ADGRF4: variants seen among roughly 807,000 people sequenced by gnomAD.
The protein encoded by ADGRF4 is adhesion G protein-coupled receptor F4, also known as G-protein coupled receptor PGR18.
Under a neutral mutation model 58.5 loss-of-function variants are expected in ADGRF4, and 63 were observed. The ratio of observed to expected loss-of-function variants is 1.08; its 90% CI spans 0.88 to 1.33. The LOEUF (loss-of-function observed/expected upper bound fraction) is 1.33. ADGRF4 is among the 40% of genes most tolerant of loss of function. The pLI, the probability that ADGRF4 is intolerant of heterozygous loss-of-function variation, is 0.00. For synonymous variants in ADGRF4, 313 were observed against 295.4 expected, an observed-to-expected ratio of 1.06 and a Z score of -0.61; for missense variants, 931 against 843.9, an observed-to-expected ratio of 1.10 and a Z score of -1.28.
At chr6:47,701,250 G>A (rs923091952) in intron 1 of ADGRF4, among the ~76,000 whole-genome samples, 2 of 152,088 alleles carry the variant, frequency 1.3e-5, no homozygotes, top group African/African-American at 4.8e-5. Context: ...CATTCAGCAG[G>A]CTTGAATTGC....
Position 47,714,189 on chromosome 6 carries a change from A to T in ADGRF4, c.944A>T (p.Gln315Leu). 3 of 1,614,094 alleles carry T rather than the reference A, an allele frequency of 1.9e-6. No individual in the cohort carries two copies. The highest frequency in any genetic ancestry group is 1.1e-5 in the South Asian group (1 of 91,044). Residue 315 changes from glutamine to leucine, a missense_variant, in exon 6 of 10, where the codon CAG (glutamine) becomes CTG (leucine). By Grantham distance (113) the Gln-to-Leu change is moderately radical (BLOSUM62 -2). Transcript: ENST00000283303. ...TTGCAAAATGTGAGTCTTCCCAGACAGGTAAATGGTCTGGTGCTATCAGTG... is the reference window on the plus strand; with the variant it reads ...TTGCAAAATGTGAGTCTTCCCAGACTGGTAAATGGTCTGGTGCTATCAGTG... ...AHLQNVSLPR[Q>L]VNGLVLSVVL...
In ADGRF4 at chr6:47,714,080, G is replaced by T; in HGVS notation, c.835G>T (p.Glu279Ter). Residue 279 changes from glutamate (E) to a stop codon, truncating the protein, a stop_gained, in exon 6 of 10, where the codon GAG (glutamate) becomes TAG (stop). Transcript: ENST00000283303. LOFTEE classifies it high-confidence loss of function. ...AGGAATGGTACAGATTCCCAGGCAAGAGCTAAGGAAGCTGTGGCCAAATGC... is the reference window on the plus strand; with the variant it reads ...AGGAATGGTACAGATTCCCAGGCAATAGCTAAGGAAGCTGTGGCCAAATGC... The part of the protein sequence containing the change: ...ILGMVQIPRQ[E>*]LRKLWPNASQ... 1 of 1,614,006 alleles carries T rather than the reference G, an allele frequency of 6.2e-7. No individual in the cohort carries two copies. Among genetic ancestry groups the T allele is most frequent in the Non-Finnish European group, 8.5e-7 (1 of 1,180,002 alleles).
chr6:47,710,351 A>G (rs1012095001), intron 3 of ADGRF4, among the ~76,000 whole-genome samples: 2 of 152,112 alleles, frequency 1.3e-5, no homozygotes, highest in Admixed American at 1.3e-4. Flanking sequence ...CTCCTGCTCT[A>G]TCTTATCATC....
chr6:47,704,894 T>C (rs192508386), intron 1 of ADGRF4, among the ~76,000 whole-genome samples: 45 of 152,210 alleles, frequency 3.0e-4, no homozygotes, highest in Non-Finnish European at 5.1e-4. Flanking sequence ...TGAGTCATAA[T>C]ATAAGATCTG....
chr6:47,720,402 G>A (rs929351097), intron 9 of ADGRF4, among the ~76,000 whole-genome samples: 1 of 152,150 alleles, frequency 6.6e-6, no homozygotes, highest in Non-Finnish European at 1.5e-5. Flanking sequence ...GAAATGGGTC[G>A]AGAGGTCAGA....
Position 47,714,271 on chromosome 6 carries a change from C to A in ADGRF4, c.1026C>A (p.Thr342=). Residue 342 remains threonine, a synonymous_variant, in exon 6 of 10, where the codon ACC becomes ACA. Transcript: ENST00000283303. ...TCACCTTCGAAAAGATCAATAAAAC[C>A]CGCAATGCCAGAGCCCAGTGTGTTG... ...IILTFEKINK[T]RNARAQCVGW... is the part of the protein sequence containing the mutation. 1 of 1,614,134 alleles carries A rather than the reference C, an allele frequency of 6.2e-7. No individual in the cohort carries two copies. Among genetic ancestry groups the A allele is most frequent in the African/African-American group, 1.3e-5 (1 of 75,028 alleles).
intron 6 of ADGRF4, among the ~76,000 whole-genome samples, chr6:47,716,568 A>G (rs1286768682): frequency 4.6e-5 from 7 of 152,218 alleles, no homozygotes; most frequent in African/African-American, 1.7e-4. Context: ...ATCTACAGCC[A>G]TTCAATAAAT....
chr6:47,718,850 G>C (rs1772094147), intron 9 of ADGRF4, among the ~76,000 whole-genome samples: 1 of 152,156 alleles, frequency 6.6e-6, no homozygotes, highest in Non-Finnish European at 1.5e-5. Flanking sequence ...GGTATGGGTG[G>C]GGTTGCGGCA....
intron 4 of ADGRF4, among the ~76,000 whole-genome samples, chr6:47,711,385 C>T (rs1771864844): frequency 6.6e-6 from 1 of 152,144 alleles, no homozygotes; most frequent in African/African-American, 2.4e-5. Flanking sequence ...GCCTCAGCCT[C>T]CCGAGGAGCT....
Position 47,704,368 on chromosome 6 carries a change from G to A in ADGRF4, c.-16-2862G>A, listed in dbSNP as rs569430520. On this transcript the variant is annotated intron_variant, in intron 1 of 9. Coordinates refer to ENST00000283303, the MANE Select transcript of ADGRF4 (RefSeq NM_153838.5). The stretch of plus-strand genomic sequence containing the variant: ...CTTTACAAATGCCTCCCTTCGTCTC[G>A]CCTTCACCCATTTTAGTGCACATTT... 8.5e-5 allele frequency among the ~76,000 whole-genome samples: 13 copies of A among 152,120 alleles called. No individual in the cohort carries two copies. The East Asian group carries it at 1.2e-3, about 14-fold the overall frequency.
chr6:47,718,452 A>G lies in ADGRF4; in HGVS notation c.*3+7A>G. The G allele has an allele frequency of 6.6e-7, 1 of 1,515,188 alleles. No homozygotes were observed. The highest frequency in any genetic ancestry group is 9.2e-7 in the Non-Finnish European group (1 of 1,089,964). The allele number at this position is 1,515,188 out of a possible 1,614,324, so 93.9% of individuals were successfully genotyped here. On this transcript the variant is annotated splice_region_variant and intron_variant, in intron 9 of 9. Transcript: ENST00000283303. The stretch of plus-strand genomic sequence containing the variant: ...GAATCGTCAAGGATGAAATGTGAGT[A>G]TTAAAAATATAAAGAGAAATTTCAC...
At chr6:47,705,277 T>A (rs191773558) in intron 1 of ADGRF4, among the ~76,000 whole-genome samples, 4 of 152,372 alleles carry the variant, frequency 2.6e-5, no homozygotes, top group Admixed American at 1.3e-4. Flanking sequence ...ATATGGATAC[T>A]TTTAAAACAA....
chr6:47,716,473 T>A lies in ADGRF4; in HGVS notation c.1933-333T>A, dbSNP rs114374551. The stretch of plus-strand genomic sequence containing the variant: ...TTTTGAATTACAAGTTTCTGTCACA[T>A]GTTTCTGTCATCACGAGTAGAAACA... On this transcript the variant is annotated intron_variant, in intron 6 of 9. Transcript: ENST00000283303. Among the ~76,000 whole-genome samples the A allele has an allele frequency of 4.3e-3, 655 of 152,354 alleles. 3 individuals are homozygous for A. The highest frequency in any genetic ancestry group is 0.014 in the African/African-American group (571 of 41,580).
Position 47,714,485 on chromosome 6 carries a change from C to T in ADGRF4, c.1240C>T (p.Leu414=), listed in dbSNP as rs372960643. The T allele has an allele frequency of 2.5e-5, 40 of 1,614,008 alleles. No individual in the cohort carries two copies. The highest frequency in any genetic ancestry group is 3.4e-5 in the Non-Finnish European group (40 of 1,180,014). ...CTGCATTGGGCTCAGCGTCTCAATC[C>T]TAAGCTTGGTTCTTTGCCTGATCAT... ...ITCIGLSVSI[L]SLVLCLIIEA... Residue 414 remains leucine (L), a synonymous_variant, in exon 6 of 10, where the codon CTA becomes TTA. Coordinates refer to ENST00000283303, the MANE Select transcript of ADGRF4 (RefSeq NM_153838.5).
In ADGRF4 at chr6:47,721,520, T is replaced by A. The variant is rs1218149427; in HGVS notation, c.*315T>A. The A allele has an allele frequency of 1.3e-5, 2 of 152,176 alleles. No homozygotes were observed. Among genetic ancestry groups the A allele is most frequent in the Admixed American group, 6.5e-5 (1 of 15,280 alleles). The allele number at this position is 152,176 out of a possible 1,614,324, so 9.4% of individuals were successfully genotyped here. A position where few individuals can be genotyped will look rare whatever the true frequency, so the allele number is the denominator to read the frequency against. On this transcript the variant is annotated 3_prime_UTR_variant, in exon 10 of 10. Transcript: ENST00000283303. ...CCATTTTATGGTCTCCCTGGCCAGC[T>A]GGGGGCTGTAGGGCCCTGCTGGGCT...
intron 1 of ADGRF4, among the ~76,000 whole-genome samples, chr6:47,701,055 A>T (rs1280055679): frequency 6.6e-6 from 1 of 152,182 alleles, no homozygotes; most frequent in Non-Finnish European, 1.5e-5. Context: ...GCGGTGTGAA[A>T]GTCGCTGATT....
At chr6:47,710,296 T>A (rs577033481) in intron 3 of ADGRF4, among the ~76,000 whole-genome samples, 1 of 152,332 alleles carries the variant, frequency 6.6e-6, no homozygotes, top group East Asian at 1.9e-4. Context: ...CCATATTTTA[T>A]CCAGCAACTC....
At chr6:47,699,669 T>A (rs1771541290) in intron 1 of ADGRF4, among the ~76,000 whole-genome samples, 1 of 152,212 alleles carries the variant, frequency 6.6e-6, no homozygotes, top group South Asian at 2.1e-4. Flanking sequence ...ATTCTAATAG[T>A]TCTTTTCTAT....
intron 6 of ADGRF4, among the ~76,000 whole-genome samples, chr6:47,715,799 T>C (rs1238002887): frequency 6.6e-6 from 1 of 152,230 alleles, no homozygotes; most frequent in Admixed American, 6.5e-5. Context: ...AACATCAAAG[T>C]ATTCCTATTA....
Sources: allele counts gnomAD v4.1 joint callset (sites outside exome capture counted in the v4.1 genomes callset), GRCh38; gene constraint gnomAD v4.1.1; transcripts MANE v1.5; gene names NCBI Gene and HGNC (gene_info 2026-07-23, HGNC 2026-07-21).